Variants in SAR1B observed in about 807,000 individuals in gnomAD.
SAR1B encodes small COPII coat GTPase SAR1B.
A neutral mutation model predicts 26.8 loss-of-function variants in SAR1B; 23 were observed. The observed-to-expected ratio is 0.86, with a 90% CI of 0.62 to 1.22. SAR1B has a LOEUF of 1.22. Ranked by LOEUF, SAR1B falls within the 50% of genes most tolerant of loss-of-function variation. The probability of loss-of-function intolerance (pLI) is 0.00; values close to 1 mark genes in which losing one functional copy is unlikely to be tolerated. For synonymous variants in SAR1B, 65 were observed against 80.8 expected, an observed-to-expected ratio of 0.80 and a Z score of 1.05; for missense variants, 196 against 232.8, an observed-to-expected ratio of 0.84 and a Z score of 1.03.
intron 3 of SAR1B, among the ~76,000 whole-genome samples, chr5:134,620,243 T>TTAC (rs775985560): frequency 1.3e-5 from 2 of 151,078 alleles, no homozygotes; most frequent in African/African-American, 2.4e-5. Context: ...GAGGTGGAGC[T>TTAC]TACAGTGAGC....
intron 1 of SAR1B, among the ~76,000 whole-genome samples, chr5:134,629,821 G>C (rs1765567399): frequency 6.6e-6 from 1 of 151,768 alleles, no homozygotes; most frequent in South Asian, 2.1e-4. Flanking sequence ...GGGAGACGGA[G>C]GTTGCAGTGA....
In SAR1B at chr5:134,606,878, G is replaced by A. The variant is rs1765136170; in HGVS notation, c.*72C>T. 1 of 922,404 alleles carries A rather than the reference G, an allele frequency of 1.1e-6. No individual in the cohort carries two copies. The highest frequency in any genetic ancestry group is 1.8e-6 in the Non-Finnish European group (1 of 548,816). 57.1% of individuals were successfully genotyped at this position (922,404 alleles called of 1,614,324 possible). On this transcript the variant is annotated 3_prime_UTR_variant, in exon 7 of 7. Coordinates refer to ENST00000402673, the MANE Select transcript of SAR1B (RefSeq NM_016103.4). ...ACCAGCAAAAGTCTATTGAATTCAAGTTATGCATGTTGAGCAATCAAATCT... is the reference window on the plus strand; with the variant it reads ...ACCAGCAAAAGTCTATTGAATTCAAATTATGCATGTTGAGCAATCAAATCT...
At chr5:134,607,206 C>A in intron 6 of SAR1B, 140 bp from the exon 7 acceptor site, 1 of 710,674 alleles carries the variant, frequency 1.4e-6, no homozygotes, top group Non-Finnish European at 2.5e-6. Context: ...GGCTGCTTGG[C>A]ATCCAAGCCC....
At chr5:134,621,188 G>A (rs991071297) in intron 2 of SAR1B, 136 bp from the exon 3 acceptor site, 18 of 963,424 alleles carry the variant, frequency 1.9e-5, no homozygotes, top group Admixed American at 1.1e-4. Context: ...ATCTATTCAT[G>A]GCCGGGCACG....
At chr5:134,624,162 A>T in intron 1 of SAR1B, 125 bp from the exon 2 acceptor site, 1 of 687,640 alleles carries the variant, frequency 1.5e-6, no homozygotes, top group Non-Finnish European at 2.7e-6. Context: ...AGAGTTACAC[A>T]CTTTGGGAAG....
At chr5:134,632,477 G>A (rs1038674683) in intron 1 of SAR1B, among the ~76,000 whole-genome samples, 7 of 152,142 alleles carry the variant, frequency 4.6e-5, no homozygotes, top group Non-Finnish European at 1.0e-4. Context: ...CAGCCACCTC[G>A]TTCTTTCCTG....
chr5:134,610,022 T>C (rs927451848), intron 4 of SAR1B, among the ~76,000 whole-genome samples: 1 of 151,724 alleles, frequency 6.6e-6, no homozygotes, highest in African/African-American at 2.4e-5. Context: ...AAAAACTACA[T>C]ATATGTGATT....
At position 134,607,057 on chromosome 5, in the gene SAR1B, A is replaced by G. The variant is rs1047676884; in HGVS notation, c.490T>C (p.Ser164Pro). The G allele has an allele frequency of 3.8e-6, 6 of 1,599,972 alleles. No individual in the cohort carries two copies. Among genetic ancestry groups the G allele is most frequent in the Non-Finnish European group, 5.1e-6 (6 of 1,167,232 alleles). Reference sequence around the variant, plus strand: ...GGTCGGGCATTCAGTTCTTTCAGAGATATACTCCCCTAGAATAGAAGAGAG... The same window carrying G: ...GGTCGGGCATTCAGTTCTTTCAGAGGTATACTCCCCTAGAATAGAAGAGAG... The part of the protein sequence containing the change: ...YGQTTGKGSI[S>P]LKELNARPLE... Residue 164 changes from serine (S) to proline (P), a missense_variant, in exon 7 of 7, where the codon TCT (serine) becomes CCT (proline). Transcript: ENST00000402673.
intron 1 of SAR1B, chr5:134,632,200 C>A (rs1765618768): frequency 6.6e-6 from 1 of 152,074 alleles, no homozygotes; most frequent in African/African-American, 2.4e-5. Context: ...GAAACTCTGT[C>A]TCAAAACAAC....
chr5:134,615,149 C>A (rs1191371569), intron 3 of SAR1B, among the ~76,000 whole-genome samples: 9 of 151,758 alleles, frequency 5.9e-5, no homozygotes, highest in Admixed American at 5.9e-4. Context: ...GAGATCGAGA[C>A]CATCCTGGCT....
chr5:134,613,999 T>A (rs2150051648), intron 3 of SAR1B: 1 of 152,286 alleles, frequency 6.6e-6, no homozygotes, highest in East Asian at 1.9e-4. Context: ...TTACTATTAA[T>A]CCTATCCAGT....
chr5:134,618,929 C>CAA (rs1765357148), intron 3 of SAR1B, among the ~76,000 whole-genome samples: 2 of 151,046 alleles, frequency 1.3e-5, no homozygotes, highest in African/African-American at 4.9e-5. Flanking sequence ...GCCCAGGAGG[C>CAA]AGAGGTTGCA....
Position 134,612,680 on chromosome 5 carries a change from A to AAAAAAAAAAAAAAAAAAAAT in SAR1B, c.244+10_244+11insATTTTTTTTTTTTTTTTTTT. On this transcript the variant is annotated intron_variant, in intron 4 of 6. Transcript: ENST00000402673. The stretch of plus-strand genomic sequence containing the variant: ...AAAAAAAAAAAAAAAAAAAAAAAAA[A>AAAAAAAAAAAAAAAAAAAAT]AGAATCTTACCTTGAACATGTCCAC... The AAAAAAAAAAAAAAAAAAAAT allele has an allele frequency of 5.8e-6, 6 of 1,043,426 alleles. No homozygotes were observed. The highest frequency in any genetic ancestry group is 3.1e-5 in the East Asian group (1 of 32,246). The allele number at this position is 1,043,426 out of a possible 1,614,324, so 64.6% of individuals were successfully genotyped here.
At position 134,606,496 on chromosome 5, in the gene SAR1B, A is replaced by G. The variant is rs1226218285; in HGVS notation, c.*454T>C. The G allele has an allele frequency of 5.7e-6, 1 of 176,248 alleles. No homozygotes were observed. Among genetic ancestry groups the G allele is most frequent in the Non-Finnish European group, 1.2e-5 (1 of 80,926 alleles). 10.9% of individuals were successfully genotyped at this position (176,248 alleles called of 1,614,324 possible). A position where few individuals can be genotyped will look rare whatever the true frequency, so the allele number is the denominator to read the frequency against. On this transcript the variant is annotated 3_prime_UTR_variant, in exon 7 of 7. Coordinates refer to ENST00000402673, the MANE Select transcript of SAR1B (RefSeq NM_016103.4). ...AGAAAAAAAGTTATTGAAAACTGTAAGGCATCATGCAATCATTGAATAAGC... is the reference window on the plus strand; with the variant it reads ...AGAAAAAAAGTTATTGAAAACTGTAGGGCATCATGCAATCATTGAATAAGC...
chr5:134,612,683 A>G lies in SAR1B; in HGVS notation c.244+8T>C, dbSNP rs1037810440. 9.5e-7 allele frequency: 1 copy of G among 1,055,252 alleles called. No individual in the cohort carries two copies. Among genetic ancestry groups the G allele is most frequent in the Non-Finnish European group, 1.3e-6 (1 of 756,332 alleles). The allele number at this position is 1,055,252 out of a possible 1,614,324, so 65.4% of individuals were successfully genotyped here. Reference sequence around the variant, plus strand: ...AAAAAAAAAAAAAAAAAAAAAAAAGAATCTTACCTTGAACATGTCCACCCA... The same window carrying G: ...AAAAAAAAAAAAAAAAAAAAAAAAGGATCTTACCTTGAACATGTCCACCCA... On this transcript the variant is annotated splice_region_variant and intron_variant, in intron 4 of 6. Coordinates refer to ENST00000402673, the MANE Select transcript of SAR1B (RefSeq NM_016103.4).
At chr5:134,613,583 T>C (rs1484304551) in intron 3 of SAR1B, 1 of 152,202 alleles carries the variant, frequency 6.6e-6, no homozygotes, top group East Asian at 1.9e-4. Flanking sequence ...AACATTTATT[T>C]TTCCTTCTCT....
intron 1 of SAR1B, among the ~76,000 whole-genome samples, chr5:134,625,601 G>A (rs761439266): frequency 1.3e-5 from 2 of 152,190 alleles, no homozygotes; most frequent in Non-Finnish European, 2.9e-5. Flanking sequence ...CCAGAATTGT[G>A]CCAGCAAAGT....
At chr5:134,627,983 T>C (rs1447631104) in intron 1 of SAR1B, among the ~76,000 whole-genome samples, 1 of 148,972 alleles carries the variant, frequency 6.7e-6, no homozygotes, top group East Asian at 2.0e-4. Flanking sequence ...CTACTAAAAA[T>C]ACAAAATTAG....
chr5:134,626,298 C>CAAAAAAAAAAAAAAAAAA (rs35668627), intron 1 of SAR1B, among the ~76,000 whole-genome samples: 1 of 53,126 alleles, frequency 1.9e-5, no homozygotes, highest in African/African-American at 6.1e-5. Context: ...GACTCTGCCT[C>CAAAAAAAAAAAAAAAAAA]AAAAAAAAAA....
Sources: gnomAD v4.1 joint callset for allele counts (sites outside exome capture counted in the v4.1 genomes callset) on GRCh38, gnomAD v4.1.1 for gene constraint, MANE v1.5 for transcripts, NCBI Gene and HGNC (gene_info 2026-07-23, HGNC 2026-07-21) for gene names.